The following MYO5A variants were observed in gnomAD, a reference collection of about 807,000 sequenced individuals.
MYO5A encodes the protein unconventional myosin-Va.
In MYO5A, 98 loss-of-function variants were observed where a neutral mutation model predicts 249.7. That is an observed-to-expected ratio of 0.39 (90% confidence interval 0.33 to 0.46). The LOEUF is 0.46. Ranked by LOEUF, MYO5A falls within the 20% of genes least tolerant of loss-of-function variation. The pLI, the probability that MYO5A is intolerant of heterozygous loss-of-function variation, is 0.98. For synonymous variants in MYO5A, 778 were observed against 810.6 expected (o/e 0.96, Z 0.68); for missense variants, 1,696 against 2,308.8 (o/e 0.73, Z 5.44).
chr15:52,353,473 A>C, intron 27 of MYO5A, 132 bp downstream of exon 27: 1 of 770,566 alleles, frequency 1.3e-6, no homozygotes, highest in Non-Finnish European at 2.3e-6. Context: ...AGTAATGCTG[A>C]ATAAGGCTGA....
At chr15:52,394,351 G>A (rs548198283) in intron 11 of MYO5A, among the ~76,000 whole-genome samples, 1 of 152,316 alleles carries the variant, frequency 6.6e-6, no homozygotes, top group South Asian at 2.1e-4. Flanking sequence ...AGAAAATAAT[G>A]AGGCAATTAG....
intron 4 of MYO5A, among the ~76,000 whole-genome samples, chr15:52,417,293 G>A (rs568634970): frequency 1.8e-4 from 28 of 152,126 alleles, no homozygotes; most frequent in Admixed American, 1.8e-3. Flanking sequence ...ACCACTTCAG[G>A]AGATACTCTT....
chr15:52,428,387 A>G lies in MYO5A; in HGVS notation c.310+11T>C, dbSNP rs577028416. ...AGTCCACAGTCTATTCGGAAAGCAAAGCATACTTACCACAATACGTATAAA... is the reference window on the plus strand; with the variant it reads ...AGTCCACAGTCTATTCGGAAAGCAAGGCATACTTACCACAATACGTATAAA... On this transcript the variant is annotated intron_variant, in intron 3 of 41. Coordinates refer to ENST00000399233, the MANE Select transcript of MYO5A (RefSeq NM_001382347.1). 1 of 1,611,912 alleles carries G rather than the reference A, an allele frequency of 6.2e-7. No homozygotes were observed. Among genetic ancestry groups the G allele is most frequent in the Non-Finnish European group, 8.5e-7 (1 of 1,178,000 alleles).
rs1346408508 is a variant in MYO5A, at chr15:52,311,902, G to T, written c.*1794C>A. 6.7e-6 allele frequency: 1 copy of T among 149,200 alleles called. No individual in the cohort carries two copies. Among genetic ancestry groups the T allele is most frequent in the Non-Finnish European group, 1.5e-5 (1 of 67,500 alleles). The allele number at this position is 149,200 out of a possible 1,614,324, so 9.2% of individuals were successfully genotyped here. On this transcript the variant is annotated 3_prime_UTR_variant, in exon 42 of 42. Transcript: ENST00000399233. Reference sequence around the variant, plus strand: ...CAATCTTTATCACTGATATGAAGCTGTTTGACTTCCATAAATATTGCACAT... The same window carrying T: ...CAATCTTTATCACTGATATGAAGCTTTTTGACTTCCATAAATATTGCACAT...
rs184439149 is a variant in MYO5A at position 52,313,803 on chromosome 15, C to T, written c.5536G>A (p.Ala1846Thr). Reference protein sequence around the residue: ...RKDSPQLLMDAKHIFPVTFPF... With the variant: ...RKDSPQLLMDTKHIFPVTFPF... ...AAGGTGACAGGAAAGATGTGTTTAG[C>T]ATCCATGAGCAGCTGGGGAGAGTCT... The change falls in exon 42 of 42, where the codon GCT (alanine) becomes ACT (threonine). Residue 1846 changes from alanine (A) to threonine (T), a missense_variant. This residue lies in a region of MYO5A where 625 missense variants were observed against 908.1 expected (regional missense o/e 0.69). Transcript: ENST00000399233. 20 of 1,614,062 alleles carry T rather than the reference C, an allele frequency of 1.2e-5. No homozygotes were observed. In the East Asian group the frequency reaches 4.5e-4, roughly 36 times the overall value.
At chr15:52,417,245 C>T (rs1261024099) in intron 4 of MYO5A, among the ~76,000 whole-genome samples, 1 of 152,106 alleles carries the variant, frequency 6.6e-6, no homozygotes, top group Non-Finnish European at 1.5e-5. Flanking sequence ...TATTTTATTC[C>T]TAAAGAATTA....
chr15:52,484,047 G>A (rs1162830801), intron 1 of MYO5A, among the ~76,000 whole-genome samples: 1 of 152,128 alleles, frequency 6.6e-6, no homozygotes, highest in Non-Finnish European at 1.5e-5. Flanking sequence ...ATTTGTTAGG[G>A]GGCACTGGAA....
At chr15:52,454,588 T>A (rs1581580) in intron 1 of MYO5A, among the ~76,000 whole-genome samples, 29,608 of 151,968 alleles carry the variant, frequency 0.19, 3,661 homozygotes, top group East Asian at 0.56. Context: ...TTCTCCAGAA[T>A]AGAACATAAC....
chr15:52,505,966 C>A, intron 1 of MYO5A: 1 of 1,041,740 alleles, frequency 9.6e-7, no homozygotes, highest in Non-Finnish European at 1.4e-6. Flanking sequence ...GTAATCCCAT[C>A]ACTTTGGGAG....
intron 1 of MYO5A, among the ~76,000 whole-genome samples, chr15:52,504,508 A>G (rs962507041): frequency 6.6e-6 from 1 of 152,208 alleles, no homozygotes; most frequent in African/African-American, 2.4e-5. Context: ...GTGCCTAAAT[A>G]ACACCATATA....
chr15:52,309,055 C>T lies in MYO5A; in HGVS notation c.*4641G>A, dbSNP rs1003805821. On this transcript the variant is annotated 3_prime_UTR_variant, in exon 42 of 42. Transcript: ENST00000399233. ...ACCCAGTGACTTGGGCTCCCCTGTG[C>T]TGAGGACCTAAACTGGGAAGGTGGC... 1 of 152,458 alleles carries T rather than the reference C, an allele frequency of 6.6e-6. No individual in the cohort carries two copies. Among genetic ancestry groups the T allele is most frequent in the African/African-American group, 2.4e-5 (1 of 41,470 alleles). The allele number at this position is 152,458 out of a possible 1,614,324, so 9.4% of individuals were successfully genotyped here. A position where few individuals can be genotyped will look rare whatever the true frequency, so the allele number is the denominator to read the frequency against.
Position 52,319,134 on chromosome 15 carries a change from G to C in MYO5A, c.5160C>G (p.Ile1720Met), listed in dbSNP as rs1181388272. 6.2e-7 allele frequency: 1 copy of C among 1,614,118 alleles called. No homozygotes were observed. Among genetic ancestry groups the C allele is most frequent in the Admixed American group, 1.7e-5 (1 of 60,010 alleles). The change falls in exon 39 of 42, where the codon ATC (isoleucine) becomes ATG (methionine). Residue 1720 changes from isoleucine (I) to methionine (M), a missense_variant. By Grantham distance (10) the Ile-to-Met change is conservative. This residue lies in a region of MYO5A where 625 missense variants were observed against 908.1 expected (regional missense o/e 0.69). Transcript: ENST00000399233. ...GGTTGTTCAGGGTGATGGCCCCTATGATGTAGAACATCTGCTTGACCACCT... is the reference window on the plus strand; with the variant it reads ...GGTTGTTCAGGGTGATGGCCCCTATCATGTAGAACATCTGCTTGACCACCT... ...IKQVVKQMFY[I>M]IGAITLNNLL...
At chr15:52,352,675 C>T (rs546041760) in intron 27 of MYO5A, among the ~76,000 whole-genome samples, 16 of 151,938 alleles carry the variant, frequency 1.1e-4, no homozygotes, top group Admixed American at 3.3e-4. Context: ...CCCAGCTACT[C>T]GGGAGGCTGA....
intron 1 of MYO5A, among the ~76,000 whole-genome samples, chr15:52,442,814 G>A (rs2075811449): frequency 6.7e-6 from 1 of 148,594 alleles, no homozygotes; most frequent in Non-Finnish European, 1.5e-5. Flanking sequence ...GGAGTGCAGT[G>A]GCACGATCTC....
rs62811961 is a variant in MYO5A at position 52,369,892 on chromosome 15, T to A, written c.3066+277A>T. On this transcript the variant is annotated intron_variant, in intron 22 of 41. Coordinates refer to ENST00000399233, the MANE Select transcript of MYO5A (RefSeq NM_001382347.1). ...GACTTTTTTTTTTTTTTTTTTTTTT[T>A]AATATACAAGTGTTAGTAGGTACTT... is the stretch of plus-strand genomic sequence containing the variant. 0.11 allele frequency among the ~76,000 whole-genome samples: 12,508 copies of A among 111,628 alleles called. 1,748 individuals are homozygous for A. Among genetic ancestry groups the A allele is most frequent in the African/African-American group, 0.34 (11,351 of 33,122 alleles). 73.2% of individuals were successfully genotyped at this position (111,628 alleles called of 152,430 possible).
chr15:52,334,960 A>G (rs1223831865), intron 34 of MYO5A, among the ~76,000 whole-genome samples: 1 of 152,234 alleles, frequency 6.6e-6, no homozygotes, highest in Admixed American at 6.5e-5. Context: ...GCAGGACTTA[A>G]CCAGGAGAAG....
intron 32 of MYO5A, 96 bp from the exon 33 acceptor site, chr15:52,337,980 C>T (rs1014814984): frequency 1.3e-5 from 11 of 816,566 alleles, no homozygotes; most frequent in Non-Finnish European, 1.9e-5. Context: ...TTTTAAAATA[C>T]AAATAGTGAA....
intron 1 of MYO5A, among the ~76,000 whole-genome samples, chr15:52,450,707 C>T (rs964445488): frequency 3.3e-5 from 5 of 151,398 alleles, no homozygotes; most frequent in Non-Finnish European, 5.9e-5. Context: ...GTCTCACTGT[C>T]ACCCAGGCTG....
intron 4 of MYO5A, among the ~76,000 whole-genome samples, chr15:52,422,991 C>T (rs557326804): frequency 4.9e-4 from 75 of 152,198 alleles, no homozygotes; most frequent in African/African-American, 1.7e-3. Context: ...CTTAAGTGAT[C>T]GGCCTACAGA....
Sources: allele counts gnomAD v4.1 joint callset (sites outside exome capture counted in the v4.1 genomes callset), GRCh38; gene constraint gnomAD v4.1.1; regional missense constraint gnomAD v4.1.1; transcripts MANE v1.5; gene names NCBI Gene and HGNC (gene_info 2026-07-23, HGNC 2026-07-21).